The following CCSER1 variants were observed in gnomAD, a reference collection of about 807,000 sequenced individuals.
CCSER1 encodes the protein coiled-coil serine rich protein 1.
In CCSER1, 41 loss-of-function variants were observed where a neutral mutation model predicts 82.0. The observed-to-expected ratio is 0.50, with a 90% CI of 0.39 to 0.65. The LOEUF is 0.65. Ranked by LOEUF, CCSER1 falls within the 30% of genes least tolerant of loss-of-function variation. The probability of loss-of-function intolerance (pLI) is 0.00; values close to 1 mark genes in which losing one functional copy is unlikely to be tolerated. For missense variants in CCSER1, 1,119 were observed against 1,064.2 expected (o/e 1.05, Z -0.72); for synonymous variants, 414 against 383.9 (o/e 1.08, Z -0.92).
At chr4:91,487,963 TAA>T (rs1758310478) in intron 10 of CCSER1, among the ~76,000 whole-genome samples, 1 of 152,020 alleles carries the variant, frequency 6.6e-6, no homozygotes, top group African/African-American at 2.4e-5. Flanking sequence ...TTAAATTATA[TAA>T]GACAAAATAT....
chr4:90,387,416 A>G (rs1219162919), intron 3 of CCSER1, among the ~76,000 whole-genome samples: 1 of 152,202 alleles, frequency 6.6e-6, no homozygotes, highest in Admixed American at 6.5e-5. Flanking sequence ...TGACCTTGCC[A>G]AAGAAAAGAG....
intron 10 of CCSER1, among the ~76,000 whole-genome samples, chr4:91,329,613 C>A (rs1034930866): frequency 6.6e-6 from 1 of 152,018 alleles, no homozygotes; most frequent in Non-Finnish European, 1.5e-5. Flanking sequence ...TGGTGAGGAC[C>A]CTCTTCCTGG....
chr4:91,110,775 A>G (rs560325521), intron 10 of CCSER1, among the ~76,000 whole-genome samples: 1 of 151,932 alleles, frequency 6.6e-6, no homozygotes, highest in Non-Finnish European at 1.5e-5. Flanking sequence ...TTCTTCTTTA[A>G]GATCATTAAG....
chr4:90,686,106 A>G (rs1427635372), intron 6 of CCSER1, among the ~76,000 whole-genome samples: 2 of 152,140 alleles, frequency 1.3e-5, no homozygotes, highest in Non-Finnish European at 2.9e-5. Flanking sequence ...TTTGGCTTCT[A>G]GCTCACTGGA....
At chr4:91,434,250 G>C (rs1754507162) in intron 10 of CCSER1, among the ~76,000 whole-genome samples, 1 of 151,934 alleles carries the variant, frequency 6.6e-6, no homozygotes, top group Non-Finnish European at 1.5e-5. Flanking sequence ...GTAGGGGAAT[G>C]TTAAAATAGG....
intron 10 of CCSER1, among the ~76,000 whole-genome samples, chr4:91,433,737 T>C (rs1443615403): frequency 6.6e-6 from 1 of 152,192 alleles, no homozygotes; most frequent in Admixed American, 6.5e-5. Context: ...TCTTATGATA[T>C]GTGCACAACA....
chr4:90,993,841 A>G (rs1331912190), intron 9 of CCSER1, among the ~76,000 whole-genome samples: 3 of 152,134 alleles, frequency 2.0e-5, no homozygotes, highest in African/African-American at 7.2e-5. Flanking sequence ...AATTTTGAGA[A>G]GACATAAACA....
intron 7 of CCSER1, among the ~76,000 whole-genome samples, chr4:90,796,272 T>C (rs1756009169): frequency 6.6e-6 from 1 of 152,184 alleles, no homozygotes; most frequent in East Asian, 1.9e-4. Context: ...TTCTAGTTTA[T>C]GTTCATAGAG....
At chr4:91,504,994 T>C (rs969814467) in intron 10 of CCSER1, among the ~76,000 whole-genome samples, 3 of 152,214 alleles carry the variant, frequency 2.0e-5, no homozygotes, top group African/African-American at 7.2e-5. Context: ...GTTTGCTATA[T>C]GGGTAAACAT....
chr4:90,519,504 A>G (rs1269507662), intron 5 of CCSER1, among the ~76,000 whole-genome samples: 1 of 151,938 alleles, frequency 6.6e-6, no homozygotes, highest in African/African-American at 2.4e-5. Flanking sequence ...AAAAACAATG[A>G]GATGTTTCCA....
Position 91,600,659 on chromosome 4 carries a change from C to T in CCSER1, c.*1602C>T, listed in dbSNP as rs192365520. On this transcript the variant is annotated 3_prime_UTR_variant, in exon 11 of 11. Transcript: ENST00000509176. Reference sequence around the variant, plus strand: ...GGGAAAAGCCATTAGACACTCCACCCCTGAGCTTTAACTACTGAACTTTGA... The same window carrying T: ...GGGAAAAGCCATTAGACACTCCACCTCTGAGCTTTAACTACTGAACTTTGA... The T allele has an allele frequency of 6.6e-6, 1 of 152,092 alleles. No individual in the cohort carries two copies. Among genetic ancestry groups the T allele is most frequent in the African/African-American group, 2.4e-5 (1 of 41,440 alleles). The allele number at this position is 152,092 out of a possible 1,614,324, so 9.4% of individuals were successfully genotyped here.
rs1261954139 is a variant in CCSER1, at chr4:90,733,872, C to T, written c.2010+9881C>T. Among the ~76,000 whole-genome samples the T allele has an allele frequency of 2.0e-5, 3 of 152,020 alleles. No individual in the cohort carries two copies. In the East Asian group the frequency reaches 5.8e-4, roughly 29 times the overall value. ...TGTTTCTGGGTTCTCTATTCTGTCC[C>T]ATTGGTCTGTGTGTCTGTTTTTATG... On this transcript the variant is annotated intron_variant, in intron 7 of 10. Transcript: ENST00000509176.
intron 3 of CCSER1, among the ~76,000 whole-genome samples, chr4:90,327,102 G>C (rs574375540): frequency 2.0e-4 from 30 of 152,264 alleles, no homozygotes; most frequent in African/African-American, 5.5e-4. Flanking sequence ...GATCCTACCA[G>C]GTCATCTGCT....
At chr4:91,201,451 C>A (rs1735896414) in intron 10 of CCSER1, among the ~76,000 whole-genome samples, 1 of 152,058 alleles carries the variant, frequency 6.6e-6, no homozygotes, top group South Asian at 2.1e-4. Context: ...ACACAACCTA[C>A]AACTATTTCA....
At chr4:91,201,684 G>A (rs187472598) in intron 10 of CCSER1, among the ~76,000 whole-genome samples, 11 of 152,006 alleles carry the variant, frequency 7.2e-5, no homozygotes, top group Non-Finnish European at 1.6e-4. Context: ...ATGTGATTAC[G>A]TCTGAATTTC....
intron 5 of CCSER1, among the ~76,000 whole-genome samples, chr4:90,611,665 A>G (rs1368283357): frequency 8.0e-5 from 12 of 150,328 alleles, no homozygotes; most frequent in Non-Finnish European, 1.0e-4. Context: ...ACCATTTCAT[A>G]TGAAGAAAGT....
intron 10 of CCSER1, among the ~76,000 whole-genome samples, chr4:91,206,960 G>A (rs1581770904): frequency 6.6e-6 from 1 of 151,844 alleles, no homozygotes; most frequent in Non-Finnish European, 1.5e-5. Flanking sequence ...TTAATTGCTT[G>A]TAAGAAATTC....
chr4:90,177,490 C>G (rs1043858497), intron 1 of CCSER1, among the ~76,000 whole-genome samples: 1 of 152,086 alleles, frequency 6.6e-6, no homozygotes, highest in African/African-American at 2.4e-5. Context: ...GTGGGGAATA[C>G]TATTGATGGC....
At chr4:90,193,981 C>T (rs558980744) in intron 1 of CCSER1, among the ~76,000 whole-genome samples, 13 of 152,066 alleles carry the variant, frequency 8.5e-5, no homozygotes, top group African/African-American at 2.9e-4. Context: ...ATTTAGTAAA[C>T]ATTTCTTTGT....
Sources: allele counts gnomAD v4.1 joint callset (sites outside exome capture counted in the v4.1 genomes callset), GRCh38; gene constraint gnomAD v4.1.1; transcripts MANE v1.5; gene names NCBI Gene and HGNC (gene_info 2026-07-23, HGNC 2026-07-21).